USP6: variants seen among roughly 807,000 people sequenced by gnomAD.
The protein encoded by USP6 is ubiquitin specific peptidase 6.
A neutral mutation model predicts 175.7 loss-of-function variants in USP6; 128 were observed. The ratio of observed to expected loss-of-function variants is 0.73; its 90% CI spans 0.63 to 0.84. USP6 has a LOEUF of 0.84. USP6 is among the 40% of genes least tolerant of loss of function. The pLI, the probability that USP6 is intolerant of heterozygous loss-of-function variation, is 0.00. For synonymous variants in USP6, 562 were observed against 630.6 expected (o/e 0.89, Z 1.63); for missense variants, 1,498 against 1,760.3 (o/e 0.85, Z 2.67).
chr17:5,172,029 G>A (rs1374603047), intron 37 of USP6, among the ~76,000 whole-genome samples: 5 of 151,162 alleles, frequency 3.3e-5, no homozygotes, highest in African/African-American at 9.7e-5. Flanking sequence ...ACAAAAATTA[G>A]TTGGGCATGT....
At chr17:5,117,895 C>T (rs1597947176) in intron 1 of USP6, among the ~76,000 whole-genome samples, 1 of 152,022 alleles carries the variant, frequency 6.6e-6, no homozygotes, top group South Asian at 2.1e-4. Flanking sequence ...TAAGACCAGG[C>T]TGGCTAACAT....
chr17:5,118,497 G>A (rs1488138467), intron 2 of USP6, among the ~76,000 whole-genome samples: 7 of 152,248 alleles, frequency 4.6e-5, no homozygotes, highest in Admixed American at 4.6e-4. Flanking sequence ...CAGAGGGAGT[G>A]TTACAGTGCT....
intron 31 of USP6, among the ~76,000 whole-genome samples, chr17:5,160,797 C>T (rs573945760): frequency 1.7e-4 from 26 of 152,312 alleles, no homozygotes; most frequent in African/African-American, 5.3e-4. Context: ...CCTGAGGAAT[C>T]GCCACACTGA....
intron 29 of USP6, among the ~76,000 whole-genome samples, chr17:5,148,023 A>C (rs1317534505): frequency 3.3e-5 from 5 of 152,022 alleles, no homozygotes; most frequent in Admixed American, 2.0e-4. Context: ...TGGGACTACA[A>C]ATGTGTACCA....
rs1402737241 is a variant in USP6 at position 5,129,957 on chromosome 17, C to T, written c.-134C>T. 3 of 240,182 alleles carry T rather than the reference C, an allele frequency of 1.2e-5. No homozygotes were observed. The highest frequency in any genetic ancestry group is 1.6e-3 in the Middle Eastern group (1 of 640). 14.9% of individuals were successfully genotyped at this position (240,182 alleles called of 1,614,324 possible). A position where few individuals can be genotyped will look rare whatever the true frequency, so the allele number is the denominator to read the frequency against. ...GTAGGAAACTGGGCATCTCTGTGGCCCTGAACATCCCAGGAGGCCGATCGT... is the reference window on the plus strand; with the variant it reads ...GTAGGAAACTGGGCATCTCTGTGGCTCTGAACATCCCAGGAGGCCGATCGT... On this transcript the variant is annotated 5_prime_UTR_variant, in exon 9 of 38. Transcript: ENST00000574788.
In USP6 at chr17:5,162,960, C is replaced by T; in HGVS notation, c.2992C>T (p.His998Tyr). The T allele has an allele frequency of 6.2e-7, 1 of 1,604,144 alleles. No individual in the cohort carries two copies. Among genetic ancestry groups the T allele is most frequent in the South Asian group, 1.1e-5 (1 of 88,174 alleles). Residue 998 changes from histidine (H) to tyrosine (Y), a missense_variant, in exon 33 of 38, where the codon CAC becomes TAC. Transcript: ENST00000574788. ...AAATGCCTATATTGCTGTGGATTGG[C>T]ACCCCACAGCCCTTCACCTTCGCTA... ...IGNAYIAVDWHPTALHLRYQT... is the reference protein window; with the variant it reads ...IGNAYIAVDWYPTALHLRYQT...
At position 5,148,703 on chromosome 17, in the gene USP6, G is replaced by T. The variant is rs2073679124; in HGVS notation, c.2579G>T (p.Gly860Val). The T allele has an allele frequency of 6.2e-7, 1 of 1,613,684 alleles. No homozygotes were observed. The highest frequency in any genetic ancestry group is 8.5e-7 in the Non-Finnish European group (1 of 1,179,858). The stretch of plus-strand genomic sequence containing the variant: ...AACTTCACAAATGGAATGGTTAATG[G>T]TCACATGCCATCTCTTCCTGACAGC... ...EKNFTNGMVN[G>V]HMPSLPDSPF... Residue 860 changes from glycine to valine, a missense_variant, in exon 30 of 38, where the codon GGT (glycine) becomes GTT (valine). Physicochemically the swap from Gly to Val is moderately radical, Grantham distance 109. Transcript: ENST00000574788.
At position 5,137,641 on chromosome 17, in the gene USP6, G is replaced by A. The variant is rs2073298545; in HGVS notation, c.826-10G>A. 5 of 1,602,716 alleles carry A rather than the reference G, an allele frequency of 3.1e-6. No individual in the cohort carries two copies. The highest frequency in any genetic ancestry group is 4.3e-6 in the Non-Finnish European group (5 of 1,173,088). On this transcript the variant is annotated splice_polypyrimidine_tract_variant and intron_variant, in intron 19 of 37. Coordinates refer to ENST00000574788, the MANE Select transcript of USP6 (RefSeq NM_001304284.2). The stretch of plus-strand genomic sequence containing the variant: ...AGGGCCAGGTTCTCTCATACCTGCT[G>A]TCCCCACAGATCTCTCTCGGGCTCA...
intron 16 of USP6, 145 bp from the exon 17 acceptor site, chr17:5,135,663 A>T (rs2073229547): frequency 1.3e-5 from 20 of 1,571,646 alleles, no homozygotes; most frequent in Non-Finnish European, 1.7e-5. Flanking sequence ...TGCTCTTGTC[A>T]TGAAATGAAT....
chr17:5,133,644 G>T lies in USP6; in HGVS notation c.384+94G>T. The T allele has an allele frequency of 4.9e-6, 5 of 1,015,108 alleles. No homozygotes were observed. The South Asian group carries it at 6.6e-5, about 13-fold the overall frequency. The allele number at this position is 1,015,108 out of a possible 1,614,324, so 62.9% of individuals were successfully genotyped here. On this transcript the variant is annotated intron_variant, in intron 14 of 37. Coordinates refer to ENST00000574788, the MANE Select transcript of USP6 (RefSeq NM_001304284.2). ...ACGTCAAGCCCACCCTGGGGTGGGG[G>T]GGTGGGAGGGGATGGTTAGATGCAC...
chr17:5,174,419 C>T lies in USP6; in HGVS notation c.*1441C>T, dbSNP rs1598119278. ...GCATTTGTGTTCTGATATCTGAGGC[C>T]AGTAACTATTAATATCTAGTTCTCA... is the stretch of plus-strand genomic sequence containing the variant. On this transcript the variant is annotated 3_prime_UTR_variant, in exon 38 of 38. Coordinates refer to ENST00000574788, the MANE Select transcript of USP6 (RefSeq NM_001304284.2). 1.0e-5 allele frequency: 2 copies of T among 190,986 alleles called. No individual in the cohort carries two copies. Among genetic ancestry groups the T allele is most frequent in the East Asian group, 1.7e-4 (2 of 11,998 alleles). The allele number at this position is 190,986 out of a possible 1,614,324, so 11.8% of individuals were successfully genotyped here. A position where few individuals can be genotyped will look rare whatever the true frequency, so the allele number is the denominator to read the frequency against.
intron 33 of USP6, among the ~76,000 whole-genome samples, chr17:5,164,017 T>C (rs1181349187): frequency 6.6e-6 from 1 of 152,180 alleles, no homozygotes; most frequent in African/African-American, 2.4e-5. Flanking sequence ...CAACCAAATA[T>C]TATTTGAAAG....
In USP6 at chr17:5,132,209, C is replaced by G; in HGVS notation, c.156-187C>G. The G allele has an allele frequency of 6.4e-7, 1 of 1,554,020 alleles. No homozygotes were observed. The highest frequency in any genetic ancestry group is 8.7e-7 in the Non-Finnish European group (1 of 1,148,456). On this transcript the variant is annotated intron_variant, in intron 11 of 37. Transcript: ENST00000574788. This position sits in a 1 kb window ranked among gnomAD's most constrained non-coding sequence, Gnocchi z 4.7. ...GGCTGTCCCTGCACTCCTTCTTCTC[C>G]CAGGTCCTGCCCCTCCTGGGAGTCA...
At chr17:5,135,569 A>G (rs957450051) in intron 16 of USP6, among the ~76,000 whole-genome samples, 2 of 152,202 alleles carry the variant, frequency 1.3e-5, no homozygotes, top group Non-Finnish European at 2.9e-5. Context: ...GCTGCTCCAA[A>G]GCAAAGGAGC....
chr17:5,155,422 A>C lies in USP6; in HGVS notation c.2644A>C (p.Met882Leu). ...GYIIAVHRKM[M>L]RTELYFLSPQ... ...TCTCTATTCTCGTTTGTACATACAG[A>C]TGAGGACAGAACTGTATTTCCTGTC... Residue 882 changes from methionine (M) to leucine (L), a missense_variant and splice_region_variant, in exon 31 of 38, where the codon ATG (methionine) becomes CTG (leucine). Coordinates refer to ENST00000574788, the MANE Select transcript of USP6 (RefSeq NM_001304284.2). 6.2e-7 allele frequency: 1 copy of C among 1,613,720 alleles called. No homozygotes were observed. The highest frequency in any genetic ancestry group is 8.5e-7 in the Non-Finnish European group (1 of 1,179,778).
At chr17:5,172,288 T>C (rs1246428409) in intron 37 of USP6, among the ~76,000 whole-genome samples, 1 of 152,042 alleles carries the variant, frequency 6.6e-6, no homozygotes, top group Non-Finnish European at 1.5e-5. Context: ...TCCCAGCACT[T>C]TGGGAGGCCA....
Position 5,130,685 on chromosome 17 carries a change from G to A in USP6, c.155+1G>A. The A allele has an allele frequency of 1.9e-6, 3 of 1,613,936 alleles. No individual in the cohort carries two copies. Among genetic ancestry groups the A allele is most frequent in the Non-Finnish European group, 2.5e-6 (3 of 1,179,808 alleles). On this transcript the variant is annotated splice_donor_variant, in intron 11 of 37. Coordinates refer to ENST00000574788, the MANE Select transcript of USP6 (RefSeq NM_001304284.2). LOFTEE classifies it high-confidence loss of function. ...GCATTGATCGTTTTGGCATTTTGCA[G>A]TGAGTCATCCTCTATGCTCCCCTCA...
intron 25 of USP6, among the ~76,000 whole-genome samples, chr17:5,144,216 A>G (rs1282659569): frequency 6.6e-6 from 1 of 152,014 alleles, no homozygotes; most frequent in Admixed American, 6.6e-5. Context: ...TGAAGACAAC[A>G]TTACATTATA....
Position 5,170,622 on chromosome 17 carries a change from A to C in USP6, c.3661A>C (p.Ser1221Arg). 1 of 1,613,668 alleles carries C rather than the reference A, an allele frequency of 6.2e-7. No individual in the cohort carries two copies. The highest frequency in any genetic ancestry group is 8.5e-7 in the Non-Finnish European group (1 of 1,179,872). Reference protein sequence around the residue: ...QIGSKNKPSSSKKNLDASKEN... With the variant: ...QIGSKNKPSSRKKNLDASKEN... ...TGGCAGCAAAAATAAGCCGTCAAGT[A>C]GTAAGAAGAACTTGGATGCCAGCAA... The change falls in exon 36 of 38, where the codon AGT becomes CGT. Residue 1221 changes from serine to arginine, a missense_variant. Physicochemically the swap from Ser to Arg is moderately radical, Grantham distance 110. Transcript: ENST00000574788.
Sources: gnomAD v4.1 joint callset for allele counts (sites outside exome capture counted in the v4.1 genomes callset) on GRCh38, gnomAD v4.1.1 for gene constraint, Gnocchi (gnomAD v3.1) non-coding constraint, MANE v1.5 for transcripts, NCBI Gene and HGNC (gene_info 2026-07-23, HGNC 2026-07-21) for gene names.